The following COL28A1 variants were observed in gnomAD, a reference collection of about 807,000 sequenced individuals.
The protein encoded by COL28A1 is collagen alpha-1(XXVIII) chain.
Under a neutral mutation model 150.2 loss-of-function variants are expected in COL28A1, and 161 were observed. The observed-to-expected ratio is 1.07, with a 90% confidence interval of 0.94 to 1.22. The LOEUF (loss-of-function observed/expected upper bound fraction) is 1.22. Among genes scored for constraint, COL28A1 ranks in the 50% most tolerant of loss-of-function variants. COL28A1 has a pLI of 0.00. For missense variants in COL28A1, 1,617 were observed against 1,388.3 expected (o/e 1.16, Z -2.62); for synonymous variants, 552 against 469.7 (o/e 1.18, Z -2.26).
intron 27 of COL28A1, among the ~76,000 whole-genome samples, chr7:7,407,136 C>T (rs1783534185): frequency 6.6e-6 from 1 of 151,568 alleles, no homozygotes; most frequent in African/African-American, 2.4e-5. Flanking sequence ...TAATGTAACT[C>T]AGAATGATTA....
At chr7:7,525,537 C>T (rs1041297165) in intron 3 of COL28A1, among the ~76,000 whole-genome samples, 6 of 151,922 alleles carry the variant, frequency 3.9e-5, no homozygotes, top group Admixed American at 2.0e-4. Flanking sequence ...AATTTACATA[C>T]GATAAAATAG....
chr7:7,388,739 G>A (rs1251201438), intron 27 of COL28A1, among the ~76,000 whole-genome samples: 1 of 152,084 alleles, frequency 6.6e-6, no homozygotes, highest in African/African-American at 2.4e-5. Flanking sequence ...GTTTTGATTG[G>A]CATTTCTCTA....
chr7:7,532,505 G>A (rs916816712), intron 2 of COL28A1, among the ~76,000 whole-genome samples: 17 of 151,868 alleles, frequency 1.1e-4, no homozygotes, highest in East Asian at 9.6e-4. Context: ...GGCAATCTCC[G>A]TCCTGCCTAT....
chr7:7,480,474 A>T (rs1350626334), intron 13 of COL28A1, among the ~76,000 whole-genome samples: 1 of 152,186 alleles, frequency 6.6e-6, no homozygotes, highest in East Asian at 1.9e-4. Context: ...TTATTAATAG[A>T]TTGCAAACTC....
intron 27 of COL28A1, among the ~76,000 whole-genome samples, chr7:7,407,548 A>C (rs2128302307): frequency 6.6e-6 from 1 of 152,266 alleles, no homozygotes; most frequent in Non-Finnish European, 1.5e-5. Context: ...TCATGCCCTC[A>C]GAGGAAAAAC....
rs189702903 is a variant in COL28A1 at position 7,515,802 on chromosome 7, T to A, written c.882+12A>T. ...GAAATTCTGGTCAATCTATTTGTTG[T>A]TACCAACTTACCTTGTCACCCTTGT... On this transcript the variant is annotated intron_variant, in intron 8 of 34. Coordinates refer to ENST00000399429, the MANE Select transcript of COL28A1 (RefSeq NM_001037763.3). 459 of 1,021,930 alleles carry A rather than the reference T, an allele frequency of 4.5e-4. 4 individuals carry two copies. In the African/African-American group the frequency reaches 6.3e-3, roughly 14 times the overall value. 63.3% of individuals were successfully genotyped at this position (1,021,930 alleles called of 1,614,324 possible).
chr7:7,526,182 T>C (rs1383355081), intron 3 of COL28A1, among the ~76,000 whole-genome samples: 10 of 152,256 alleles, frequency 6.6e-5, no homozygotes, highest in Admixed American at 5.2e-4. Context: ...CTTTTGCCTG[T>C]TATCCTGACA....
chr7:7,373,285 C>A lies in COL28A1; in HGVS notation c.2621G>T (p.Gly874Val). 6.2e-7 allele frequency: 1 copy of A among 1,614,142 alleles called. No homozygotes were observed. Among genetic ancestry groups the A allele is most frequent in the South Asian group, 1.1e-5 (1 of 91,076 alleles). The change falls in exon 32 of 35, where the codon GGC becomes GTC. Residue 874 changes from glycine to valine, a missense_variant. By Grantham distance (109) the Gly-to-Val change is moderately radical. Coordinates refer to ENST00000399429, the MANE Select transcript of COL28A1 (RefSeq NM_001037763.3). This position sits in a 1 kb window ranked among gnomAD's most constrained non-coding sequence, Gnocchi z 4.1. The part of the protein sequence containing the change: ...AVDNMQYLGE[G>V]TYTATALQAA... The stretch of plus-strand genomic sequence containing the variant: ...TTGCAGAGCAGTGGCTGTGTATGTG[C>A]CTTCCCCCAGATACTGCATGTTGTC...
rs1364669994 is a variant in COL28A1 at position 7,373,512 on chromosome 7, C to CTCTAGTGGA, written c.2385_2393dup (p.Leu797_Glu798insAspProLeu). 2 of 1,613,360 alleles carry CTCTAGTGGA rather than the reference C, an allele frequency of 1.2e-6. No individual in the cohort carries two copies. The highest frequency in any genetic ancestry group is 2.7e-5 in the African/African-American group (2 of 74,878). ...CTGAGCTGTCGATCACAAACACCAG[C>CTCTAGTGGA]TCTAGTGGAGTCTCTTTGCATTTGG... is the stretch of plus-strand genomic sequence containing the variant. On this transcript the variant is annotated inframe_insertion, in exon 32 of 35. Coordinates refer to ENST00000399429, the MANE Select transcript of COL28A1 (RefSeq NM_001037763.3). This position sits in a 1 kb window ranked among gnomAD's most constrained non-coding sequence, Gnocchi z 4.1.
At chr7:7,524,337 T>C in intron 3 of COL28A1, 88 bp from the exon 4 acceptor site, 1 of 810,302 alleles carries the variant, frequency 1.2e-6, no homozygotes, top group Non-Finnish European at 2.1e-6. Flanking sequence ...CTATGGGATA[T>C]GAAGTTTCCA....
chr7:7,338,294 G>A, the COL28A1 span, among the ~76,000 whole-genome samples: 5 of 152,012 alleles, frequency 3.3e-5, no homozygotes, highest in Admixed American at 2.0e-4. Context: ...CAGTATGGTC[G>A]TTTTAGCAAT....
intron 18 of COL28A1, among the ~76,000 whole-genome samples, chr7:7,449,448 C>T (rs1414966088): frequency 6.6e-6 from 1 of 151,774 alleles, no homozygotes; most frequent in East Asian, 1.9e-4. Flanking sequence ...CAGCAAACAT[C>T]ACACTTAAGA....
chr7:7,463,210 T>G (rs1787781458), intron 15 of COL28A1, among the ~76,000 whole-genome samples: 1 of 152,006 alleles, frequency 6.6e-6, no homozygotes, highest in Non-Finnish European at 1.5e-5. Context: ...GCAAAAAAGA[T>G]CATCACCCAG....
chr7:7,507,681 A>T (rs1780888012), intron 9 of COL28A1, among the ~76,000 whole-genome samples: 1 of 152,070 alleles, frequency 6.6e-6, no homozygotes, highest in Non-Finnish European at 1.5e-5. Flanking sequence ...GAGGGAGAAC[A>T]TAGTCTAGTT....
chr7:7,430,718 T>TAAGATAATG (rs1784913246), intron 25 of COL28A1, among the ~76,000 whole-genome samples: 2 of 152,346 alleles, frequency 1.3e-5, no homozygotes, highest in South Asian at 4.1e-4. Flanking sequence ...ACTCACAGCG[T>TAAGATAATG]AAGATAATGA....
chr7:7,383,250 TTGTGTGTGTGTGTGTG>T (rs368714766), intron 27 of COL28A1, among the ~76,000 whole-genome samples: 1 of 107,142 alleles, frequency 9.3e-6, no homozygotes, highest in Non-Finnish European at 2.0e-5. Context: ...CTTTTTTTTG[TTGTGTGTGTGTGTGTG>T]TGTGTGTGTG....
intron 25 of COL28A1, among the ~76,000 whole-genome samples, chr7:7,428,460 A>G (rs752288896): frequency 1.3e-5 from 2 of 152,236 alleles, no homozygotes; most frequent in Non-Finnish European, 2.9e-5. Context: ...TATATCAGAG[A>G]CATCAGGAAA....
At chr7:7,509,953 C>T (rs1207320154) in intron 9 of COL28A1, among the ~76,000 whole-genome samples, 3 of 152,140 alleles carry the variant, frequency 2.0e-5, no homozygotes, top group African/African-American at 4.8e-5. Flanking sequence ...CTCTACAGTA[C>T]TTTAAAAGCA....
chr7:7,358,784 A>G lies in COL28A1; in HGVS notation c.3227T>C (p.Leu1076Ser), dbSNP rs1780468196. 1.2e-6 allele frequency: 2 copies of G among 1,613,930 alleles called. No individual in the cohort carries two copies. The highest frequency in any genetic ancestry group is 1.7e-6 in the Non-Finnish European group (2 of 1,179,868). ...ATATTCACCACAGTTTCCAGGCTTCAAGGCTTCCAAACATCTAGGATCTAG... is the reference window on the plus strand; with the variant it reads ...ATATTCACCACAGTTTCCAGGCTTCGAGGCTTCCAAACATCTAGGATCTAG... ...GAEDPRCLEA[L>S]KPGNCGEYVV... Residue 1076 changes from leucine to serine, a missense_variant, in exon 35 of 35, where the codon TTG (leucine) becomes TCG (serine). By Grantham distance (145) the Leu-to-Ser change is moderately radical. Coordinates refer to ENST00000399429, the MANE Select transcript of COL28A1 (RefSeq NM_001037763.3).
Sources: gnomAD v4.1 joint callset for allele counts (sites outside exome capture counted in the v4.1 genomes callset) on GRCh38, gnomAD v4.1.1 for gene constraint, Gnocchi (gnomAD v3.1) non-coding constraint, MANE v1.5 for transcripts, NCBI Gene and HGNC (gene_info 2026-07-23, HGNC 2026-07-21) for gene names.